ZDHHC14: variants seen among roughly 807,000 people sequenced by gnomAD.
The protein encoded by ZDHHC14 is palmitoyltransferase ZDHHC14.
Under a neutral mutation model 47.7 loss-of-function variants are expected in ZDHHC14, and 16 were observed. The ratio of observed to expected loss-of-function variants is 0.34; its 90% CI spans 0.23 to 0.51. ZDHHC14 has a LOEUF of 0.51. Among genes scored for constraint, ZDHHC14 ranks in the 20% least tolerant of loss-of-function variants. The pLI, the probability that ZDHHC14 is intolerant of heterozygous loss-of-function variation, is 0.97. For missense variants in ZDHHC14, 515 were observed against 662.5 expected (o/e 0.78, Z 2.44); for synonymous variants, 293 against 278.9 (o/e 1.05, Z -0.50).
At chr6:157,473,577 T>A (rs1373470610) in intron 1 of ZDHHC14, among the ~76,000 whole-genome samples, 1 of 151,914 alleles carries the variant, frequency 6.6e-6, no homozygotes, top group African/African-American at 2.4e-5. Context: ...GATTTGGGAG[T>A]TTTTTCAGAT....
At chr6:157,672,049 G>C (rs1345575213) in intron 8 of ZDHHC14, among the ~76,000 whole-genome samples, 1 of 152,140 alleles carries the variant, frequency 6.6e-6, no homozygotes, top group Non-Finnish European at 1.5e-5. Context: ...TTCTCTCTAA[G>C]AACATGACCC....
intron 1 of ZDHHC14, among the ~76,000 whole-genome samples, chr6:157,498,577 A>G (rs1780124696): frequency 6.6e-6 from 1 of 152,226 alleles, no homozygotes; most frequent in East Asian, 1.9e-4. Context: ...AGATATTATT[A>G]TCATTGCACT....
At chr6:157,437,621 C>T (rs1778467213) in intron 1 of ZDHHC14, among the ~76,000 whole-genome samples, 1 of 152,218 alleles carries the variant, frequency 6.6e-6, no homozygotes, top group Admixed American at 6.5e-5. Flanking sequence ...CTCACAGGCT[C>T]AGTCTCTGCA....
At chr6:157,418,389 T>C (rs1374960418) in intron 1 of ZDHHC14, among the ~76,000 whole-genome samples, 1 of 152,238 alleles carries the variant, frequency 6.6e-6, no homozygotes, top group African/African-American at 2.4e-5. Flanking sequence ...CCTACAGGCA[T>C]GAACGAGGGT....
chr6:157,495,001 T>A (rs1780020773), intron 1 of ZDHHC14, among the ~76,000 whole-genome samples: 1 of 152,200 alleles, frequency 6.6e-6, no homozygotes, highest in East Asian at 1.9e-4. Flanking sequence ...ATCTCAGCTT[T>A]TCTTGACAGC....
chr6:157,527,532 C>T (rs1179728495), intron 1 of ZDHHC14, among the ~76,000 whole-genome samples: 1 of 152,162 alleles, frequency 6.6e-6, no homozygotes, highest in Non-Finnish European at 1.5e-5. Flanking sequence ...GAGTCAAAAC[C>T]TCAACTGATG....
rs143660132 is a variant in ZDHHC14 at position 157,555,528 on chromosome 6, T to G, written c.406+12783T>G. On this transcript the variant is annotated intron_variant, in intron 2 of 8. Coordinates refer to ENST00000359775, the MANE Select transcript of ZDHHC14 (RefSeq NM_024630.3). Reference sequence around the variant, plus strand: ...AAATGTTCCTGGATAGCTGTTTACTTAGAAAATTAATCATTATCAGTTAAT... The same window carrying G: ...AAATGTTCCTGGATAGCTGTTTACTGAGAAAATTAATCATTATCAGTTAAT... Among the ~76,000 whole-genome samples the G allele has an allele frequency of 9.1e-3, 1,391 of 152,366 alleles. 26 individuals are homozygous for G. Among genetic ancestry groups the G allele is most frequent in the East Asian group, 0.045 (232 of 5,188 alleles).
rs1465560037 is a variant in ZDHHC14 at position 157,638,814 on chromosome 6, CTGCAGGGACATCAGGAGAGGCAGT to C, written c.752+5933_752+5956del. ...CAGCCTGTGCTTGGGGTGGGGTGTC[CTGCAGGGACATCAGGAGAGGCAGT>C]GGCAGGGACCTCCGTGCAGGGCTGT... On this transcript the variant is annotated intron_variant, in intron 5 of 8. Coordinates refer to ENST00000359775, the MANE Select transcript of ZDHHC14 (RefSeq NM_024630.3). Among the ~76,000 whole-genome samples, 218 of 152,292 alleles carry C rather than the reference CTGCAGGGACATCAGGAGAGGCAGT, an allele frequency of 1.4e-3. 1 individual carries two copies. Among genetic ancestry groups the C allele is most frequent in the Non-Finnish European group, 2.0e-3 (133 of 68,016 alleles).
intron 2 of ZDHHC14, among the ~76,000 whole-genome samples, chr6:157,552,632 G>A (rs1347642892): frequency 6.6e-6 from 1 of 152,140 alleles, no homozygotes; most frequent in Non-Finnish European, 1.5e-5. Context: ...TTTGGGAGGA[G>A]ACTGACCTGG....
At chr6:157,570,473 C>T (rs550369976) in intron 2 of ZDHHC14, among the ~76,000 whole-genome samples, 1 of 152,202 alleles carries the variant, frequency 6.6e-6, no homozygotes, top group Non-Finnish European at 1.5e-5. Flanking sequence ...TTCACTTACG[C>T]AGCACAGCGG....
At chr6:157,659,305 C>T (rs1778240996) in intron 8 of ZDHHC14, among the ~76,000 whole-genome samples, 1 of 152,214 alleles carries the variant, frequency 6.6e-6, no homozygotes, top group Admixed American at 6.5e-5. Context: ...GTGAAATGCA[C>T]ATGCCAGCCG....
chr6:157,654,374 T>C lies in ZDHHC14; in HGVS notation c.1068+747T>C, dbSNP rs182132637. 1.8e-3 allele frequency among the ~76,000 whole-genome samples: 278 copies of C among 152,292 alleles called. 1 individual carries two copies. The highest frequency in any genetic ancestry group is 0.01 in the Middle Eastern group (3 of 294). On this transcript the variant is annotated intron_variant, in intron 8 of 8. Coordinates refer to ENST00000359775, the MANE Select transcript of ZDHHC14 (RefSeq NM_024630.3). ...TCTGGAAGGCAATGGCCTCTCTTTA[T>C]TTGGAACAAATCTCCCTAAAGTTAG... is the stretch of plus-strand genomic sequence containing the variant.
At chr6:157,585,099 C>T (rs1431033695) in intron 2 of ZDHHC14, among the ~76,000 whole-genome samples, 2 of 151,886 alleles carry the variant, frequency 1.3e-5, no homozygotes, top group African/African-American at 4.8e-5. Flanking sequence ...CCCAGCTTCT[C>T]GGGAGGCTGA....
At chr6:157,399,787 GGTGGCTCTGA>G (rs1319160019) in intron 1 of ZDHHC14, among the ~76,000 whole-genome samples, 1 of 152,224 alleles carries the variant, frequency 6.6e-6, no homozygotes, top group Non-Finnish European at 1.5e-5. Flanking sequence ...AGGCTGGCTG[GGTGGCTCTGA>G]TCCTGATGCC....
At chr6:157,528,058 A>C (rs1264244424) in intron 1 of ZDHHC14, among the ~76,000 whole-genome samples, 2 of 152,224 alleles carry the variant, frequency 1.3e-5, no homozygotes, top group Non-Finnish European at 2.9e-5. Context: ...CCAGCCAGGC[A>C]TGATTTCCTT....
rs1236156229 is a variant in ZDHHC14 at position 157,643,666 on chromosome 6, TA to T, written c.753-2070del. On this transcript the variant is annotated intron_variant, in intron 5 of 8. Coordinates refer to ENST00000359775, the MANE Select transcript of ZDHHC14 (RefSeq NM_024630.3). ...TTCATCTCAAATATATATATATATA[TA>T]TATATATATGCTGTATTTTTTTATT... 2.5e-3 allele frequency among the ~76,000 whole-genome samples: 323 copies of T among 129,774 alleles called. 24 individuals are homozygous for T. Among genetic ancestry groups the T allele is most frequent in the Middle Eastern group, 0.011 (3 of 262 alleles). 85.1% of individuals were successfully genotyped at this position (129,774 alleles called of 152,430 possible).
chr6:157,413,597 T>C (rs991036778), intron 1 of ZDHHC14, among the ~76,000 whole-genome samples: 2 of 152,090 alleles, frequency 1.3e-5, no homozygotes, highest in Non-Finnish European at 2.9e-5. Context: ...TTCTTTTTTT[T>C]TTTTTAAGTC....
At chr6:157,493,254 A>G (rs1429668729) in intron 1 of ZDHHC14, among the ~76,000 whole-genome samples, 1 of 152,200 alleles carries the variant, frequency 6.6e-6, no homozygotes, top group African/African-American at 2.4e-5. Context: ...GGAGGCGGAA[A>G]GGCAAGTTGG....
At chr6:157,583,427 A>G (rs574234133) in intron 2 of ZDHHC14, among the ~76,000 whole-genome samples, 23 of 151,796 alleles carry the variant, frequency 1.5e-4, no homozygotes, top group Non-Finnish European at 2.2e-4. Flanking sequence ...GCTTTTTGCA[A>G]GGTCTTTATT....
Sources: allele counts gnomAD v4.1 joint callset (sites outside exome capture counted in the v4.1 genomes callset), GRCh38; gene constraint gnomAD v4.1.1; transcripts MANE v1.5; gene names NCBI Gene and HGNC (gene_info 2026-07-23, HGNC 2026-07-21).